KIAA0319L: variants seen among roughly 807,000 people sequenced by gnomAD.
The protein encoded by KIAA0319L is dyslexia-associated protein KIAA0319-like protein.
KIAA0319L carries 55 observed loss-of-function variants against 120.1 expected under a neutral mutation model. The ratio of observed to expected loss-of-function variants is 0.46; its 90% CI spans 0.37 to 0.57. KIAA0319L has a LOEUF of 0.57. KIAA0319L is among the 20% of genes least tolerant of loss of function. KIAA0319L has a pLI of 0.00. For missense variants in KIAA0319L, 1,049 were observed against 1,255.3 expected (o/e 0.84, Z 2.48); for synonymous variants, 398 against 471.9 (o/e 0.84, Z 2.03).
At chr1:35,527,784 A>C (rs1294927805) in intron 2 of KIAA0319L, among the ~76,000 whole-genome samples, 1 of 151,526 alleles carries the variant, frequency 6.6e-6, no homozygotes, top group East Asian at 1.9e-4. Context: ...TTTCTTGGTT[A>C]GTCTAGCTAG....
chr1:35,447,901 C>T (rs1267786508), intron 16 of KIAA0319L, among the ~76,000 whole-genome samples: 2 of 152,226 alleles, frequency 1.3e-5, no homozygotes, highest in East Asian at 1.9e-4. Flanking sequence ...CAAACCCACA[C>T]CGTACTAATG....
intron 3 of KIAA0319L, among the ~76,000 whole-genome samples, chr1:35,484,026 T>A (rs894406526): frequency 1.3e-5 from 2 of 152,158 alleles, no homozygotes; most frequent in African/African-American, 4.8e-5. Context: ...CACCAGTCAT[T>A]ATATTAAGGG....
chr1:35,455,532 C>T (rs1400309485), intron 10 of KIAA0319L, among the ~76,000 whole-genome samples: 1 of 150,948 alleles, frequency 6.6e-6, no homozygotes, highest in African/African-American at 2.4e-5. Flanking sequence ...GAACAACTAA[C>T]ATTTCTCAGC....
intron 2 of KIAA0319L, among the ~76,000 whole-genome samples, chr1:35,549,811 A>C (rs1397878112): frequency 6.6e-6 from 1 of 152,220 alleles, no homozygotes; most frequent in Non-Finnish European, 1.5e-5. Context: ...TTAATTCTCA[A>C]AGAACAATTC....
At position 35,465,210 on chromosome 1, in the gene KIAA0319L, G is replaced by A. The variant is rs189878014; in HGVS notation, c.1201+1398C>T. Among the ~76,000 whole-genome samples the A allele has an allele frequency of 1.5e-3, 228 of 152,308 alleles. 1 individual carries two copies. The highest frequency in any genetic ancestry group is 2.5e-3 in the Non-Finnish European group (173 of 68,036). ...CTTGCACTATGCACCCGGAAAAGCC[G>A]CAGACACTCAACGCCAGGCTGTGAA... On this transcript the variant is annotated intron_variant, in intron 7 of 20. Transcript: ENST00000325722.
At chr1:35,455,368 G>A (rs558036204) in intron 10 of KIAA0319L, among the ~76,000 whole-genome samples, 131 of 152,126 alleles carry the variant, frequency 8.6e-4, no homozygotes, top group African/African-American at 3.0e-3. Flanking sequence ...CTTTCTTTAT[G>A]TTACCTGCCT....
At chr1:35,446,390 T>G (rs1054718964) in intron 16 of KIAA0319L, among the ~76,000 whole-genome samples, 3 of 152,176 alleles carry the variant, frequency 2.0e-5, no homozygotes, top group Non-Finnish European at 4.4e-5. Context: ...GAAAAAAAAT[T>G]TTTAAAGATA....
intron 3 of KIAA0319L, among the ~76,000 whole-genome samples, chr1:35,484,401 CT>C (rs1308986825): frequency 4.6e-5 from 7 of 152,200 alleles, no homozygotes; most frequent in African/African-American, 7.2e-5. Context: ...AGTGGGACCC[CT>C]ATCTCTAAAA....
At chr1:35,513,288 A>ATATATATATATATTTTTTTTT (rs1414704674) in intron 2 of KIAA0319L, among the ~76,000 whole-genome samples, 1 of 85,338 alleles carries the variant, frequency 1.2e-5, no homozygotes, top group Non-Finnish European at 2.3e-5. Flanking sequence ...ATATATATAT[A>ATATATATATATATTTTTTTTT]TTTTTTTTTT....
chr1:35,460,620 A>C (rs1642823684), intron 8 of KIAA0319L, among the ~76,000 whole-genome samples, 183 bp from the exon 9 acceptor site: 1 of 152,232 alleles, frequency 6.6e-6, no homozygotes, highest in Non-Finnish European at 1.5e-5. Flanking sequence ...CTCTATGTAT[A>C]TTCTACTGTG....
At position 35,525,922 on chromosome 1, in the gene KIAA0319L, T is replaced by C. The variant is rs75693079; in HGVS notation, c.143-18787A>G. Among the ~76,000 whole-genome samples, 914 of 152,156 alleles carry C rather than the reference T, an allele frequency of 6.0e-3. 10 individuals carry two copies. Among genetic ancestry groups the C allele is most frequent in the African/African-American group, 0.021 (870 of 41,552 alleles). ...AAAATCTTTGCCTAGACCAATATGC[T>C]AGAGTGTTTCCCCTATGTTTCTTCC... On this transcript the variant is annotated intron_variant, in intron 2 of 20. Transcript: ENST00000325722.
chr1:35,469,631 T>C (rs1643487477), intron 6 of KIAA0319L, among the ~76,000 whole-genome samples: 1 of 151,732 alleles, frequency 6.6e-6, no homozygotes, highest in Non-Finnish European at 1.5e-5. Context: ...ACCTAGTAAG[T>C]CAGTCACTCT....
intron 7 of KIAA0319L, among the ~76,000 whole-genome samples, chr1:35,462,983 T>C (rs1476989774): frequency 1.3e-5 from 2 of 152,152 alleles, no homozygotes; most frequent in African/African-American, 4.8e-5. Flanking sequence ...CTAGATCCCT[T>C]GCGTGTGCAG....
intron 8 of KIAA0319L, among the ~76,000 whole-genome samples, chr1:35,461,410 G>C (rs2819007): frequency 2.0e-5 from 3 of 152,052 alleles, no homozygotes; most frequent in African/African-American, 7.2e-5. Context: ...AGGTTGCAGT[G>C]AGCCAAGATT....
chr1:35,549,986 T>C (rs989945317), intron 2 of KIAA0319L, among the ~76,000 whole-genome samples: 2 of 152,238 alleles, frequency 1.3e-5, no homozygotes, highest in Admixed American at 6.5e-5. Context: ...CTGGGATCAC[T>C]TCCTATTTGT....
chr1:35,506,657 A>G lies in KIAA0319L; in HGVS notation c.621T>C (p.Asn207=). 1 of 1,614,166 alleles carries G rather than the reference A, an allele frequency of 6.2e-7. No individual in the cohort carries two copies. Among genetic ancestry groups the G allele is most frequent in the Non-Finnish European group, 8.5e-7 (1 of 1,179,996 alleles). Residue 207 remains asparagine (N), a synonymous_variant, in exon 3 of 21, where the codon AAT becomes AAC. Coordinates refer to ENST00000325722, the MANE Select transcript of KIAA0319L (RefSeq NM_024874.5). The surrounding 1 kb of genome is among the most constrained non-coding windows in gnomAD (Gnocchi z 4.0). ...TPIVTQHSKV[N]DSNELGGLTT... ...TCAGACCACCTAATTCGTTGGAGTC[A>G]TTCACTTTAGAATGCTGTGTCACTA...
intron 4 of KIAA0319L, among the ~76,000 whole-genome samples, chr1:35,476,888 T>A (rs1643910460): frequency 6.6e-6 from 1 of 152,256 alleles, no homozygotes; most frequent in East Asian, 1.9e-4. Context: ...CTTAGTTTCT[T>A]GATTAACCAA....
In KIAA0319L at chr1:35,453,475, T is replaced by A; in HGVS notation, c.1913+82A>T. 2 of 1,385,280 alleles carry A rather than the reference T, an allele frequency of 1.4e-6. No individual in the cohort carries two copies. Among genetic ancestry groups the A allele is most frequent in the South Asian group, 1.3e-5 (1 of 78,940 alleles). 85.8% of individuals were successfully genotyped at this position (1,385,280 alleles called of 1,614,324 possible). A position where few individuals can be genotyped will look rare whatever the true frequency, so the allele number is the denominator to read the frequency against. ...CACTGGATAAGCCAATAAGAGCAAC[T>A]CAACTCATAATAGCAAATAAAACCT... On this transcript the variant is annotated intron_variant, in intron 12 of 20. Transcript: ENST00000325722. This position sits in a 1 kb window ranked among gnomAD's most constrained non-coding sequence, Gnocchi z 4.1.
At chr1:35,479,964 A>AC (rs1475688828) in intron 3 of KIAA0319L, among the ~76,000 whole-genome samples, 3 of 148,650 alleles carry the variant, frequency 2.0e-5, no homozygotes, top group African/African-American at 7.5e-5. Context: ...AAAAAAAAAA[A>AC]AAAAAAAACA....
Sources: gnomAD v4.1 joint callset for allele counts (sites outside exome capture counted in the v4.1 genomes callset) on GRCh38, gnomAD v4.1.1 for gene constraint, Gnocchi (gnomAD v3.1) non-coding constraint, MANE v1.5 for transcripts, NCBI Gene and HGNC (gene_info 2026-07-23, HGNC 2026-07-21) for gene names.